Variants in TOX observed in about 807,000 individuals in gnomAD.
TOX encodes the protein thymocyte selection associated high mobility group box.
Under a neutral mutation model 53.7 loss-of-function variants are expected in TOX, and 11 were observed. The observed-to-expected ratio is 0.20, with a 90% CI of 0.13 to 0.34. The LOEUF is 0.34. Ranked by LOEUF, TOX falls within the 10% of genes least tolerant of loss-of-function variation. TOX has a pLI of 1.00. For missense variants in TOX, 570 were observed against 664.6 expected (o/e 0.86, Z 1.56); for synonymous variants, 225 against 245.3 (o/e 0.92, Z 0.77).
chr8:58,880,266 T>C (rs1811361331), intron 3 of TOX, among the ~76,000 whole-genome samples: 1 of 152,134 alleles, frequency 6.6e-6, no homozygotes, highest in Non-Finnish European at 1.5e-5. Context: ...AGTGAAGCAA[T>C]GACTAAAGGG....
chr8:58,942,053 C>CAAAAAAAAA (rs35861451), intron 2 of TOX, among the ~76,000 whole-genome samples: 1 of 106,370 alleles, frequency 9.4e-6, no homozygotes, highest in African/African-American at 3.5e-5. Flanking sequence ...GACTCTGTCT[C>CAAAAAAAAA]AAAAAAAAAA....
At chr8:58,864,789 C>T (rs932118443) in intron 3 of TOX, among the ~76,000 whole-genome samples, 7 of 152,034 alleles carry the variant, frequency 4.6e-5, no homozygotes, top group Admixed American at 2.0e-4. Context: ...TGGGCCCAGA[C>T]GGGGATCATG....
chr8:59,043,439 T>C (rs1307686948), intron 1 of TOX, among the ~76,000 whole-genome samples: 2 of 151,756 alleles, frequency 1.3e-5, no homozygotes, highest in Non-Finnish European at 2.9e-5. Flanking sequence ...CAAAATAAAT[T>C]ATAGGAAAAA....
At chr8:59,090,905 C>A (rs2129423737) in intron 1 of TOX, among the ~76,000 whole-genome samples, 1 of 152,308 alleles carries the variant, frequency 6.6e-6, no homozygotes, top group African/African-American at 2.4e-5. Context: ...TTGCAAAGCA[C>A]AAGTGTCCTT....
intron 8 of TOX, 61 bp from the exon 9 acceptor site, chr8:58,807,844 T>C: frequency 1.9e-6 from 3 of 1,596,084 alleles, no homozygotes; most frequent in Non-Finnish European, 1.7e-6. Context: ...CAGGTGACAA[T>C]GGGGGGATGG....
Position 59,034,429 on chromosome 8 carries a change from C to T in TOX, c.103-74421G>A, listed in dbSNP as rs78216173. On this transcript the variant is annotated intron_variant, in intron 1 of 8. Transcript: ENST00000361421. ...TTATCCAGATATCCTTCCCTATCCC[C>T]ACCCTGTCCCCCACCTCCACCCCCA... 6.1e-4 allele frequency among the ~76,000 whole-genome samples: 93 copies of T among 152,340 alleles called. 1 individual carries two copies. In the East Asian group the frequency reaches 0.017, roughly 28 times the overall value.
chr8:59,038,441 T>C (rs190127182), intron 1 of TOX, among the ~76,000 whole-genome samples: 119 of 152,350 alleles, frequency 7.8e-4, no homozygotes, highest in African/African-American at 2.8e-3. Context: ...TCCTTTCTTA[T>C]GTAGAGCTGA....
At chr8:59,057,960 A>C (rs1358460540) in intron 1 of TOX, among the ~76,000 whole-genome samples, 2 of 152,068 alleles carry the variant, frequency 1.3e-5, no homozygotes, top group African/African-American at 2.4e-5. Context: ...TGCTTGACCC[A>C]AAGGGTGCTC....
chr8:58,935,532 T>A (rs1281057710), intron 3 of TOX, among the ~76,000 whole-genome samples: 1 of 152,196 alleles, frequency 6.6e-6, no homozygotes, highest in Non-Finnish European at 1.5e-5. Flanking sequence ...TCTACAACTG[T>A]TAGCTTTTAT....
At chr8:58,950,162 G>A (rs1166952864) in intron 2 of TOX, among the ~76,000 whole-genome samples, 1 of 123,466 alleles carries the variant, frequency 8.1e-6, no homozygotes, top group African/African-American at 3.1e-5. Flanking sequence ...CATGTGTATA[G>A]TTCATATACA....
intron 1 of TOX, among the ~76,000 whole-genome samples, chr8:59,033,769 C>T (rs898696801): frequency 1.3e-5 from 2 of 152,270 alleles, no homozygotes; most frequent in African/African-American, 4.8e-5. Context: ...AGAGCCCACA[C>T]TGGAATGTAT....
chr8:58,808,243 CTG>C lies in TOX; in HGVS notation c.1417_1418del (p.Gln473AspfsTer36), dbSNP rs757897538. On this transcript the variant is annotated frameshift_variant, in exon 8 of 9. Coordinates refer to ENST00000361421, the MANE Select transcript of TOX (RefSeq NM_014729.3). LOFTEE classifies it high-confidence loss of function. ...CTGTAGATGTAGGATTGATAATAGT[CTG>C]ATAGTCGGGTTGAAGAGTAAATCCC... is the stretch of plus-strand genomic sequence containing the variant. ...QQGFTLQPDY[Q>X]TIINPTSTAA... 6.2e-7 allele frequency: 1 copy of C among 1,612,906 alleles called. No individual in the cohort carries two copies. Among genetic ancestry groups the C allele is most frequent in the South Asian group, 1.1e-5 (1 of 90,746 alleles).
chr8:59,039,004 C>A (rs764652969), intron 1 of TOX, among the ~76,000 whole-genome samples: 3 of 152,208 alleles, frequency 2.0e-5, no homozygotes, highest in Non-Finnish European at 4.4e-5. Context: ...GGCAAAGGCA[C>A]TTAGATTCTC....
intron 5 of TOX, among the ~76,000 whole-genome samples, chr8:58,828,329 A>AG (rs1306399654): frequency 2.7e-5 from 4 of 150,942 alleles, no homozygotes; most frequent in South Asian, 2.1e-4. Flanking sequence ...TTTCTCCTAA[A>AG]GTGGGGGGCT....
chr8:58,961,517 T>C (rs1812796000), intron 1 of TOX, among the ~76,000 whole-genome samples: 1 of 152,062 alleles, frequency 6.6e-6, no homozygotes, highest in Non-Finnish European at 1.5e-5. Flanking sequence ...TGCTTTTCCA[T>C]TGAACAGGTG....
chr8:59,105,837 G>A (rs2129424645), intron 1 of TOX, among the ~76,000 whole-genome samples: 1 of 152,070 alleles, frequency 6.6e-6, no homozygotes, highest in East Asian at 1.9e-4. Flanking sequence ...CTTATGTATG[G>A]CATAATTGTT....
intron 3 of TOX, among the ~76,000 whole-genome samples, chr8:58,924,356 G>C (rs1012942943): frequency 6.6e-6 from 1 of 152,188 alleles, no homozygotes; most frequent in Non-Finnish European, 1.5e-5. Context: ...AGCAGAAGTA[G>C]GGAGGGAAAT....
At chr8:59,105,114 A>AT (rs974378490) in intron 1 of TOX, among the ~76,000 whole-genome samples, 5 of 152,058 alleles carry the variant, frequency 3.3e-5, no homozygotes, top group African/African-American at 1.2e-4. Context: ...CGCATTCCAA[A>AT]TTTTTTTTAA....
chr8:59,049,035 C>A (rs538146870), intron 1 of TOX, among the ~76,000 whole-genome samples: 20 of 152,144 alleles, frequency 1.3e-4, no homozygotes, highest in African/African-American at 3.9e-4. Flanking sequence ...ATCTATTCCA[C>A]TGACTCATTT....
Sources: gnomAD v4.1 joint callset for allele counts (sites outside exome capture counted in the v4.1 genomes callset) on GRCh38, gnomAD v4.1.1 for gene constraint, MANE v1.5 for transcripts, NCBI Gene and HGNC (gene_info 2026-07-23, HGNC 2026-07-21) for gene names.